AGBL1: variants seen among roughly 807,000 people sequenced by gnomAD.
The protein encoded by AGBL1 is AGBL carboxypeptidase 1.
Under a neutral mutation model 118.9 loss-of-function variants are expected in AGBL1, and 130 were observed. The ratio of observed to expected loss-of-function variants is 1.09; its 90% CI spans 0.95 to 1.26. AGBL1 has a LOEUF of 1.26. Among genes scored for constraint, AGBL1 ranks in the 50% most tolerant of loss-of-function variants. The pLI is 0.00. For synonymous variants in AGBL1, 555 were observed against 478.9 expected, an observed-to-expected ratio of 1.16 and a Z score of -2.08; for missense variants, 1,584 against 1,298.1, an observed-to-expected ratio of 1.22 and a Z score of -3.38.
chr15:86,763,509 T>A (rs542921578), intron 22 of AGBL1, among the ~76,000 whole-genome samples: 2 of 152,086 alleles, frequency 1.3e-5, no homozygotes, highest in South Asian at 4.1e-4. Flanking sequence ...CAGATATTCT[T>A]TTATGAATAT....
chr15:86,636,220 A>G (rs1296021077), intron 21 of AGBL1, among the ~76,000 whole-genome samples: 4 of 152,130 alleles, frequency 2.6e-5, no homozygotes, highest in Admixed American at 2.6e-4. Flanking sequence ...TACAAATTTT[A>G]TAACAGTAGG....
chr15:86,380,456 C>G lies in AGBL1; in HGVS notation c.2375-16910C>G, dbSNP rs551593631. On this transcript the variant is annotated intron_variant, in intron 17 of 22. Transcript: ENST00000614907. ...TGCGCCACCTGAGCCCGGCCCTTTC[C>G]TTCCTTTTTTCCTCCCTCCCTCCCT... Among the ~76,000 whole-genome samples, 76 of 151,532 alleles carry G rather than the reference C, an allele frequency of 5.0e-4. 1 individual carries two copies. In the South Asian group the frequency reaches 0.014, roughly 28 times the overall value.
chr15:86,676,045 C>G (rs1008307002), intron 22 of AGBL1, among the ~76,000 whole-genome samples: 1 of 152,154 alleles, frequency 6.6e-6, no homozygotes, highest in African/African-American at 2.4e-5. Context: ...CCTTCCACAC[C>G]ATTTCACACA....
intron 1 of AGBL1, among the ~76,000 whole-genome samples, chr15:86,127,695 C>T (rs879266987): frequency 6.6e-6 from 1 of 152,242 alleles, no homozygotes; most frequent in Non-Finnish European, 1.5e-5. Flanking sequence ...AAGTTCCATC[C>T]TCCCTTGCAG....
intron 22 of AGBL1, among the ~76,000 whole-genome samples, chr15:86,682,771 A>T (rs751540254): frequency 1.4e-4 from 21 of 152,154 alleles, no homozygotes; most frequent in Admixed American, 5.9e-4. Flanking sequence ...ATGTCAATTT[A>T]TATATAAGAT....
intron 17 of AGBL1, among the ~76,000 whole-genome samples, chr15:86,393,358 T>A (rs921885565): frequency 2.6e-5 from 4 of 152,212 alleles, no homozygotes; most frequent in African/African-American, 9.6e-5. Flanking sequence ...TTTGTTAGTG[T>A]CAAAAATTTA....
intron 22 of AGBL1, among the ~76,000 whole-genome samples, chr15:86,774,685 T>A (rs1245439309): frequency 6.6e-6 from 1 of 152,002 alleles, no homozygotes; most frequent in Admixed American, 6.6e-5. Flanking sequence ...AGGTACAGTA[T>A]GAGAAAAATT....
intron 21 of AGBL1, among the ~76,000 whole-genome samples, chr15:86,600,406 A>G (rs956085564): frequency 7.9e-5 from 12 of 152,298 alleles, no homozygotes; most frequent in Middle Eastern, 3.4e-3. Flanking sequence ...CCAAAATACC[A>G]CTACATCAAG....
intron 17 of AGBL1, among the ~76,000 whole-genome samples, chr15:86,363,503 C>T (rs2080836963): frequency 6.6e-6 from 1 of 152,120 alleles, no homozygotes; most frequent in Non-Finnish European, 1.5e-5. Flanking sequence ...TGATACATTT[C>T]CTCACCTTCT....
chr15:86,726,069 G>A (rs551193576), intron 22 of AGBL1, among the ~76,000 whole-genome samples: 1 of 152,188 alleles, frequency 6.6e-6, no homozygotes, highest in East Asian at 1.9e-4. Context: ...TAGCAATACT[G>A]TCATAGGATA....
intron 21 of AGBL1, among the ~76,000 whole-genome samples, chr15:86,664,420 C>T (rs2085604837): frequency 6.6e-6 from 1 of 152,164 alleles, no homozygotes; most frequent in Non-Finnish European, 1.5e-5. Flanking sequence ...GGGTACATGT[C>T]AAGGCAGGGA....
intron 21 of AGBL1, chr15:86,556,274 G>A (rs1309523178): frequency 4.3e-6 from 7 of 1,612,814 alleles, no homozygotes; most frequent in Non-Finnish European, 5.9e-6. Flanking sequence ...TCACCCAGTG[G>A]ATGGCCTTCA....
chr15:86,470,881 G>C (rs531227481), intron 18 of AGBL1, among the ~76,000 whole-genome samples: 10 of 152,166 alleles, frequency 6.6e-5, no homozygotes, highest in Middle Eastern at 3.4e-3. Flanking sequence ...TATGTGTCTT[G>C]CAGCATTACT....
In AGBL1 at chr15:86,633,158, C is replaced by G. The variant is rs373384109; in HGVS notation, c.2995-41115C>G. ...CAACTACAGAGAAAACATAGATTAT[C>G]TGACTACCATTTAATACTTACAAAA... is the stretch of plus-strand genomic sequence containing the variant. On this transcript the variant is annotated intron_variant, in intron 21 of 22. Transcript: ENST00000614907. 2.3e-3 allele frequency among the ~76,000 whole-genome samples: 348 copies of G among 152,288 alleles called. 3 individuals are homozygous for G. The highest frequency in any genetic ancestry group is 8.1e-3 in the African/African-American group (336 of 41,560).
At chr15:86,631,819 C>T (rs1165092746) in intron 21 of AGBL1, among the ~76,000 whole-genome samples, 1 of 152,208 alleles carries the variant, frequency 6.6e-6, no homozygotes, top group Non-Finnish European at 1.5e-5. Flanking sequence ...TCTACTGCCT[C>T]TGCCTCCATC....
intron 1 of AGBL1, among the ~76,000 whole-genome samples, chr15:86,104,138 T>TG (rs1896894060): frequency 6.6e-6 from 1 of 152,032 alleles, no homozygotes; most frequent in Non-Finnish European, 1.5e-5. Context: ...TGGTGGTAAA[T>TG]GGGGCAGGGT....
At chr15:86,696,953 CT>C (rs1014908478) in intron 22 of AGBL1, among the ~76,000 whole-genome samples, 31 of 151,924 alleles carry the variant, frequency 2.0e-4, no homozygotes, top group Non-Finnish European at 5.9e-5. Flanking sequence ...TGTAGGGTTT[CT>C]GCTAAGAAAT....
intron 18 of AGBL1, among the ~76,000 whole-genome samples, chr15:86,443,513 G>A (rs1457741805): frequency 6.6e-6 from 1 of 151,936 alleles, no homozygotes; most frequent in Non-Finnish European, 1.5e-5. Context: ...GTTAATTATA[G>A]TCACCCTACA....
At chr15:86,699,048 T>C (rs1394331710) in intron 22 of AGBL1, among the ~76,000 whole-genome samples, 1 of 152,006 alleles carries the variant, frequency 6.6e-6, no homozygotes, top group Non-Finnish European at 1.5e-5. Context: ...TATTAAATCA[T>C]AAAAAGCAGG....
Sources: allele counts gnomAD v4.1 joint callset (sites outside exome capture counted in the v4.1 genomes callset), GRCh38; gene constraint gnomAD v4.1.1; transcripts MANE v1.5; gene names NCBI Gene and HGNC (gene_info 2026-07-23, HGNC 2026-07-21).